ZBTB7C: variants seen among roughly 807,000 people sequenced by gnomAD.
ZBTB7C encodes zinc finger and BTB domain-containing protein 7C.
A neutral mutation model predicts 25.7 loss-of-function variants in ZBTB7C; 8 were observed. The ratio of observed to expected loss-of-function variants is 0.31; its 90% confidence interval spans 0.18 to 0.56. The LOEUF (loss-of-function observed/expected upper bound fraction) is 0.56. Ranked by LOEUF, ZBTB7C falls within the 20% of genes least tolerant of loss-of-function variation. The pLI, the probability that ZBTB7C is intolerant of heterozygous loss-of-function variation, is 0.91. For missense variants in ZBTB7C, 824 were observed against 855.2 expected (o/e 0.96, Z 0.46); for synonymous variants, 394 against 369.0 (o/e 1.07, Z -0.78).
chr18:48,404,856 G>A (rs1055215753), intron 1 of ZBTB7C, among the ~76,000 whole-genome samples: 5 of 152,334 alleles, frequency 3.3e-5, no homozygotes, highest in Middle Eastern at 3.4e-3. Context: ...TGCTGAGGAC[G>A]TGAAGATGAG....
At chr18:48,310,064 C>T (rs1426403620) in intron 2 of ZBTB7C, among the ~76,000 whole-genome samples, 1 of 152,042 alleles carries the variant, frequency 6.6e-6, no homozygotes, top group Non-Finnish European at 1.5e-5. Context: ...CCCATCTCTA[C>T]TAGAAATACA....
intron 1 of ZBTB7C, among the ~76,000 whole-genome samples, chr18:48,389,236 CGTGTGTGTG>C (rs1167269950): frequency 2.2e-3 from 137 of 62,270 alleles, no homozygotes; most frequent in African/African-American, 8.2e-3. Flanking sequence ...CTCTCTCTCT[CGTGTGTGTG>C]TGTGTGTGTG....
chr18:48,115,528 G>A (rs1362666422), intron 3 of ZBTB7C, among the ~76,000 whole-genome samples: 1 of 152,122 alleles, frequency 6.6e-6, no homozygotes, highest in Admixed American at 6.5e-5. Context: ...GTGAGCCACC[G>A]TGCCCGGCCT....
Position 48,050,397 on chromosome 18 carries a change from C to T in ZBTB7C, c.-16-9274G>A, listed in dbSNP as rs1168290367. On this transcript the variant is annotated intron_variant, in intron 3 of 4. Coordinates refer to ENST00000590800, the MANE Select transcript of ZBTB7C (RefSeq NM_001318841.2). Reference sequence around the variant, plus strand: ...AACTTTTAGCCTGTGCCCTGCCCGCCACGAGCACCCCAGGCAGAGCGCCCA... The same window carrying T: ...AACTTTTAGCCTGTGCCCTGCCCGCTACGAGCACCCCAGGCAGAGCGCCCA... 2.0e-5 allele frequency among the ~76,000 whole-genome samples: 3 copies of T among 152,192 alleles called. No homozygotes were observed. In the East Asian group the frequency reaches 5.8e-4, roughly 29 times the overall value.
intron 3 of ZBTB7C, among the ~76,000 whole-genome samples, chr18:48,140,825 A>T (rs1398169551): frequency 6.6e-6 from 1 of 151,882 alleles, no homozygotes; most frequent in Non-Finnish European, 1.5e-5. Context: ...ACCATCCATC[A>T]GCAAGTCTGT....
intron 1 of ZBTB7C, among the ~76,000 whole-genome samples, chr18:48,385,893 A>G (rs118046561): frequency 6.6e-6 from 1 of 152,114 alleles, no homozygotes; most frequent in Non-Finnish European, 1.5e-5. Context: ...TGGCCTTTTC[A>G]GCTGCCCTGA....
chr18:48,126,174 G>A (rs2039792839), intron 3 of ZBTB7C, among the ~76,000 whole-genome samples: 1 of 152,020 alleles, frequency 6.6e-6, no homozygotes, highest in Non-Finnish European at 1.5e-5. Flanking sequence ...ATTATTACCT[G>A]TTCTCAGTCT....
chr18:48,094,947 C>A (rs879596361), intron 3 of ZBTB7C, among the ~76,000 whole-genome samples: 2 of 152,250 alleles, frequency 1.3e-5, no homozygotes, highest in African/African-American at 2.4e-5. Context: ...ATATTAGCTG[C>A]CCTGCCTGAG....
chr18:48,279,747 T>G (rs1191427397), intron 2 of ZBTB7C, among the ~76,000 whole-genome samples: 2 of 152,214 alleles, frequency 1.3e-5, no homozygotes, highest in Admixed American at 6.5e-5. Flanking sequence ...AGCCCCAGGC[T>G]GTCCAGGCTA....
chr18:48,255,726 A>C (rs532074252), intron 2 of ZBTB7C, among the ~76,000 whole-genome samples: 3 of 152,160 alleles, frequency 2.0e-5, no homozygotes. Flanking sequence ...AGCTCATTAG[A>C]ACACTCATTC....
chr18:48,132,096 A>G (rs2040004315), intron 3 of ZBTB7C, among the ~76,000 whole-genome samples: 1 of 152,258 alleles, frequency 6.6e-6, no homozygotes, highest in Non-Finnish European at 1.5e-5. Context: ...ATGATTGTTC[A>G]AAACAGCATT....
intron 2 of ZBTB7C, among the ~76,000 whole-genome samples, chr18:48,240,306 C>T (rs757517556): frequency 2.6e-5 from 4 of 152,138 alleles, no homozygotes; most frequent in African/African-American, 7.2e-5. Flanking sequence ...TCAAGTAAAA[C>T]ATTCCTGGCC....
At chr18:48,307,588 C>T (rs4127495) in intron 2 of ZBTB7C, among the ~76,000 whole-genome samples, 19,454 of 152,160 alleles carry the variant, frequency 0.13, 2,739 homozygotes, top group East Asian at 0.71. Flanking sequence ...GGTGGCTCAC[C>T]CCTGTAATTC....
intron 2 of ZBTB7C, among the ~76,000 whole-genome samples, chr18:48,186,230 C>T (rs951645355): frequency 2.0e-5 from 3 of 152,192 alleles, no homozygotes; most frequent in Admixed American, 6.5e-5. Context: ...CCCTCCCCGG[C>T]GCTGTGCCAG....
rs138858053 is a variant in ZBTB7C at position 48,059,770 on chromosome 18, A to T, written c.-16-18647T>A. On this transcript the variant is annotated intron_variant, in intron 3 of 4. Transcript: ENST00000590800. ...AACAATTTAGGAGCTAAAGAATCAT[A>T]AAAAAAAATACTGTGGAGGGAGCTG... 5.7e-3 allele frequency among the ~76,000 whole-genome samples: 867 copies of T among 151,656 alleles called. 9 individuals are homozygous for T. Among genetic ancestry groups the T allele is most frequent in the African/African-American group, 0.02 (828 of 41,398 alleles).
At position 48,040,685 on chromosome 18, in the gene ZBTB7C, G is replaced by A. The variant is rs748477618; in HGVS notation, c.423C>T (p.Asp141=). 2.0e-5 allele frequency: 33 copies of A among 1,613,096 alleles called. No homozygotes were observed. The highest frequency in any genetic ancestry group is 4.4e-5 in the South Asian group (4 of 90,996). The change falls in exon 4 of 5, where the codon GAC becomes GAT. Residue 141 remains aspartate (D), a synonymous_variant. Transcript: ENST00000590800. ...GDGGEEDDKE[D]DDDDEDDDDE... is the part of the protein sequence containing the mutation. Reference sequence around the variant, plus strand: ...CATCATCATCTTCGTCGTCGTCATCGTCCTCCTTGTCATCCTCCTCCCCCC... The same window carrying A: ...CATCATCATCTTCGTCGTCGTCATCATCCTCCTTGTCATCCTCCTCCCCCC...
intron 3 of ZBTB7C, among the ~76,000 whole-genome samples, chr18:48,063,478 G>C (rs2144339564): frequency 6.6e-6 from 1 of 152,312 alleles, no homozygotes; most frequent in East Asian, 1.9e-4. Context: ...CAGACAGTAG[G>C]GTGACAGAAC....
intron 3 of ZBTB7C, among the ~76,000 whole-genome samples, chr18:48,166,023 T>C (rs2041233474): frequency 6.6e-6 from 1 of 152,240 alleles, no homozygotes; most frequent in Non-Finnish European, 1.5e-5. Context: ...CTGAGCTCTT[T>C]GATTACTTCT....
Position 48,150,800 on chromosome 18 carries a change from G to A in ZBTB7C, c.-17+35134C>T, listed in dbSNP as rs539314953. On this transcript the variant is annotated intron_variant, in intron 3 of 4. Coordinates refer to ENST00000590800, the MANE Select transcript of ZBTB7C (RefSeq NM_001318841.2). ...GGACAAATGCAAATTTGAAGTCCCT[G>A]ATAAAGACTTTACATCTCACTGATG... is the stretch of plus-strand genomic sequence containing the variant. 7 of 152,256 alleles carry A rather than the reference G, an allele frequency of 4.6e-5. No homozygotes were observed. The South Asian group carries it at 1.4e-3, about 32-fold the overall frequency. 9.4% of individuals were successfully genotyped at this position (152,256 alleles called of 1,614,324 possible).
Sources: allele counts gnomAD v4.1 joint callset (sites outside exome capture counted in the v4.1 genomes callset), GRCh38; gene constraint gnomAD v4.1.1; transcripts MANE v1.5; gene names NCBI Gene and HGNC (gene_info 2026-07-23, HGNC 2026-07-21).